EXT1: variants seen among roughly 807,000 people sequenced by gnomAD.
EXT1 encodes the protein exostosin glycosyltransferase 1, also known as exostosin-1.
In EXT1, 20 loss-of-function variants were observed where a neutral mutation model predicts 82.5. The ratio of observed to expected loss-of-function variants is 0.24; its 90% confidence interval spans 0.17 to 0.35. EXT1 has a LOEUF of 0.35. EXT1 is among the 10% of genes least tolerant of loss of function. The probability of loss-of-function intolerance (pLI) is 1.00; values close to 1 mark genes in which losing one functional copy is unlikely to be tolerated. For missense variants in EXT1, 757 were observed against 936.5 expected (o/e 0.81, Z 2.50); for synonymous variants, 348 against 350.8 (o/e 0.99, Z 0.09).
intron 1 of EXT1, among the ~76,000 whole-genome samples, chr8:117,862,318 C>T (rs1812699647): frequency 6.9e-6 from 1 of 145,928 alleles, no homozygotes; most frequent in African/African-American, 2.4e-5. Flanking sequence ...TGCTCTATAG[C>T]CCCCTACCAA....
intron 1 of EXT1, among the ~76,000 whole-genome samples, chr8:117,837,610 G>T (rs1812208483): frequency 6.6e-6 from 1 of 152,130 alleles, no homozygotes. Context: ...AACTAAGACT[G>T]TTCTTGTTCC....
chr8:117,807,036 C>T (rs977482037), intron 9 of EXT1, among the ~76,000 whole-genome samples, 181 bp downstream of exon 9: 5 of 152,150 alleles, frequency 3.3e-5, no homozygotes, highest in African/African-American at 1.2e-4. Flanking sequence ...GGAAATGAAA[C>T]ATGCCAAGAG....
At chr8:118,036,072 C>CT (rs562751386) in intron 1 of EXT1, among the ~76,000 whole-genome samples, 6,234 of 141,034 alleles carry the variant, frequency 0.044, 215 homozygotes, top group African/African-American at 0.098. Flanking sequence ...GTATCTCAGT[C>CT]TTTTTTTTTT....
chr8:117,794,804 T>C lies in EXT1; in HGVS notation c.*4908A>G, dbSNP rs761159113. ...ACATATTAGAAAACTCTGTCCCAAG[T>C]GTACATCGTATACAAAATAAGGTAT... On this transcript the variant is annotated 3_prime_UTR_variant, in exon 11 of 11. Transcript: ENST00000378204. 6.6e-6 allele frequency: 1 copy of C among 152,232 alleles called. No homozygotes were observed. Among genetic ancestry groups the C allele is most frequent in the Non-Finnish European group, 1.5e-5 (1 of 68,044 alleles). 9.4% of individuals were successfully genotyped at this position (152,232 alleles called of 1,614,324 possible). A position where few individuals can be genotyped will look rare whatever the true frequency, so the allele number is the denominator to read the frequency against.
intron 1 of EXT1, among the ~76,000 whole-genome samples, chr8:117,921,227 G>C (rs1813848523): frequency 6.6e-6 from 1 of 152,110 alleles, no homozygotes; most frequent in South Asian, 2.1e-4. Flanking sequence ...CTTTTCAAGA[G>C]GCCCCGCTAC....
Position 117,931,934 on chromosome 8 carries a change from G to C in EXT1, c.963-94733C>G, listed in dbSNP as rs528264342. Among the ~76,000 whole-genome samples, 9 of 152,206 alleles carry C rather than the reference G, an allele frequency of 5.9e-5. No homozygotes were observed. In the East Asian group the frequency reaches 1.5e-3, roughly 26 times the overall value. ...GTGAGTCTCAAGCTTAAGTAATTAT[G>C]GACCATATATGAAGAAGAAAATGCC... is the stretch of plus-strand genomic sequence containing the variant. On this transcript the variant is annotated intron_variant, in intron 1 of 10. Transcript: ENST00000378204.
At chr8:118,026,762 G>A (rs1009236756) in intron 1 of EXT1, among the ~76,000 whole-genome samples, 1 of 152,096 alleles carries the variant, frequency 6.6e-6, no homozygotes, top group East Asian at 1.9e-4. Flanking sequence ...CTGATTCACC[G>A]GACTGCCTGG....
At chr8:118,069,989 T>C (rs1839) in intron 1 of EXT1, among the ~76,000 whole-genome samples, 1 of 151,762 alleles carries the variant, frequency 6.6e-6, no homozygotes, top group Non-Finnish European at 1.5e-5. Context: ...AATGAGGCTT[T>C]AAGCAGAAAA....
At chr8:117,927,196 T>C (rs992499771) in intron 1 of EXT1, among the ~76,000 whole-genome samples, 1 of 152,358 alleles carries the variant, frequency 6.6e-6, no homozygotes, top group Middle Eastern at 3.4e-3. Context: ...GCTATCATCT[T>C]TCATGAAGTG....
intron 1 of EXT1, among the ~76,000 whole-genome samples, chr8:117,907,536 G>A (rs935594557): frequency 6.6e-6 from 1 of 152,122 alleles, no homozygotes; most frequent in Non-Finnish European, 1.5e-5. Context: ...TGTTGAGCAC[G>A]CTAACACTTT....
At chr8:117,844,891 C>T (rs1389098081) in intron 1 of EXT1, among the ~76,000 whole-genome samples, 4 of 126,820 alleles carry the variant, frequency 3.2e-5, no homozygotes, top group Non-Finnish European at 4.9e-5. Flanking sequence ...CAGTTTTTTG[C>T]CTTGAGCATT....
chr8:118,025,875 C>T (rs559939324), intron 1 of EXT1, among the ~76,000 whole-genome samples: 16 of 152,174 alleles, frequency 1.1e-4, no homozygotes, highest in Admixed American at 2.0e-4. Flanking sequence ...AACCCGAATC[C>T]TGAAATTGGA....
rs914580416 is a variant in EXT1, at chr8:117,957,281, A to G, written c.963-120080T>C. 2.0e-5 allele frequency among the ~76,000 whole-genome samples: 3 copies of G among 152,232 alleles called. No individual in the cohort carries two copies. In the East Asian group the frequency reaches 5.8e-4, roughly 29 times the overall value. On this transcript the variant is annotated intron_variant, in intron 1 of 10. Transcript: ENST00000378204. ...TGGAAGACTGCTAAAACAAGATGAAAGCTGAGGATTGGTTAAATTCATTAC... is the reference window on the plus strand; with the variant it reads ...TGGAAGACTGCTAAAACAAGATGAAGGCTGAGGATTGGTTAAATTCATTAC...
intron 1 of EXT1, among the ~76,000 whole-genome samples, chr8:117,931,994 T>A (rs1196901641): frequency 6.6e-6 from 1 of 152,248 alleles, no homozygotes; most frequent in African/African-American, 2.4e-5. Context: ...TGCATTTACT[T>A]TATTTTTATT....
chr8:118,098,228 G>A (rs1053176707), intron 1 of EXT1, among the ~76,000 whole-genome samples: 3 of 152,120 alleles, frequency 2.0e-5, no homozygotes, highest in African/African-American at 7.2e-5. Flanking sequence ...CCTGCTACAC[G>A]TCCAAGCTAG....
At chr8:118,090,040 G>A (rs1236446317) in intron 1 of EXT1, among the ~76,000 whole-genome samples, 3 of 152,204 alleles carry the variant, frequency 2.0e-5, no homozygotes, top group Non-Finnish European at 4.4e-5. Flanking sequence ...CTAGGAAAAA[G>A]AGGTGTATAA....
intron 1 of EXT1, among the ~76,000 whole-genome samples, chr8:118,081,978 GCTGGGGGAAA>G (rs1238258216): frequency 6.6e-6 from 1 of 152,162 alleles, no homozygotes; most frequent in Admixed American, 6.5e-5. Context: ...GCATTTAACT[GCTGGGGGAAA>G]CAAGAGTCGG....
At chr8:117,999,088 T>C (rs893146225) in intron 1 of EXT1, among the ~76,000 whole-genome samples, 1 of 152,180 alleles carries the variant, frequency 6.6e-6, no homozygotes, top group Non-Finnish European at 1.5e-5. Context: ...AGTGCCATCA[T>C]TTATAAAGTT....
intron 1 of EXT1, among the ~76,000 whole-genome samples, chr8:117,964,277 T>G (rs1814761204): frequency 6.6e-6 from 1 of 152,196 alleles, no homozygotes; most frequent in South Asian, 2.1e-4. Context: ...TGCTAAGTTT[T>G]TATAAGGATC....
Sources: allele counts gnomAD v4.1 joint callset (sites outside exome capture counted in the v4.1 genomes callset), GRCh38; gene constraint gnomAD v4.1.1; transcripts MANE v1.5; gene names NCBI Gene and HGNC (gene_info 2026-07-23, HGNC 2026-07-21).